Variants in GRIN2A observed in about 807,000 individuals in gnomAD.
GRIN2A encodes glutamate ionotropic receptor NMDA type subunit 2A, also known as glutamate receptor ionotropic, NMDA 2A.
In GRIN2A, 22 loss-of-function variants were observed where a neutral mutation model predicts 113.4. The observed-to-expected ratio is 0.19, with a 90% CI of 0.14 to 0.28. GRIN2A has a LOEUF of 0.28. Among genes scored for constraint, GRIN2A ranks in the 10% least tolerant of loss-of-function variants. The pLI is 1.00. For synonymous variants in GRIN2A, 827 were observed against 738.4 expected, an observed-to-expected ratio of 1.12 and a Z score of -1.94; for missense variants, 1,502 against 1,887.0, an observed-to-expected ratio of 0.80 and a Z score of 3.78.
chr16:10,052,672 C>A (rs1044359062), intron 2 of GRIN2A, among the ~76,000 whole-genome samples: 1 of 152,148 alleles, frequency 6.6e-6, no homozygotes, highest in African/African-American at 2.4e-5. Flanking sequence ...TCTGTTGAGG[C>A]AGGAAGCTTC....
At chr16:10,115,461 A>G (rs138414201) in intron 2 of GRIN2A, among the ~76,000 whole-genome samples, 6 of 152,324 alleles carry the variant, frequency 3.9e-5, no homozygotes, top group South Asian at 4.1e-4. Context: ...CCAGAAACCT[A>G]TCTGGAGGAG....
intron 3 of GRIN2A, among the ~76,000 whole-genome samples, chr16:9,896,302 G>C (rs2043805934): frequency 6.6e-6 from 1 of 152,182 alleles, no homozygotes; most frequent in Non-Finnish European, 1.5e-5. Flanking sequence ...ACCTGCCTTG[G>C]CCTCCCAAAG....
At chr16:10,014,390 A>G (rs984096534) in intron 2 of GRIN2A, among the ~76,000 whole-genome samples, 9 of 152,162 alleles carry the variant, frequency 5.9e-5, no homozygotes, top group African/African-American at 2.2e-4. Context: ...ATTGGCCACT[A>G]TATGTTCTTT....
rs1451290921 is a variant in GRIN2A, at chr16:9,829,579, C to G, written c.1851G>C (p.Val617=). The G allele has an allele frequency of 2.5e-6, 4 of 1,613,896 alleles. No homozygotes were observed. The highest frequency in any genetic ancestry group is 3.4e-6 in the Non-Finnish European group (4 of 1,179,948). The change falls in exon 9 of 13, where the codon GTG becomes GTC. Residue 617 remains valine, a synonymous_variant. Transcript: ENST00000330684. ...TGGTCCCTTTAGGATTCTGGACAGG[C>G]ACGGAGTTATTGAACACCAGGCCCC... ...LLWGLVFNNS[V]PVQNPKGTTS...
chr16:9,802,955 G>C (rs1372129681), intron 10 of GRIN2A, among the ~76,000 whole-genome samples: 1 of 151,968 alleles, frequency 6.6e-6, no homozygotes, highest in Non-Finnish European at 1.5e-5. Context: ...TTTTTGCTCT[G>C]ACCCAAAAAG....
chr16:10,129,868 C>A (rs374534633), intron 2 of GRIN2A, among the ~76,000 whole-genome samples: 5 of 152,136 alleles, frequency 3.3e-5, no homozygotes, highest in African/African-American at 9.7e-5. Flanking sequence ...GAAGAAGATA[C>A]CAGTTTAGAA....
chr16:10,160,799 G>C (rs1025322206), intron 2 of GRIN2A, among the ~76,000 whole-genome samples: 2 of 152,140 alleles, frequency 1.3e-5, no homozygotes, highest in African/African-American at 4.8e-5. Flanking sequence ...TCCTCCTTCT[G>C]TATTCTCCAG....
At chr16:9,999,804 G>A (rs143521438) in intron 2 of GRIN2A, among the ~76,000 whole-genome samples, 4 of 152,074 alleles carry the variant, frequency 2.6e-5, no homozygotes, top group Non-Finnish European at 5.9e-5. Flanking sequence ...TCTCACACAG[G>A]GGGTATTAGT....
chr16:9,946,035 C>G (rs16966726), intron 2 of GRIN2A, among the ~76,000 whole-genome samples: 1,863 of 152,216 alleles, frequency 0.012, 23 homozygotes, highest in African/African-American at 0.043. Context: ...CTCGTTGCAG[C>G]TGATTTAGGA....
intron 2 of GRIN2A, among the ~76,000 whole-genome samples, chr16:10,169,649 G>A (rs1207875271): frequency 6.6e-6 from 1 of 152,170 alleles, no homozygotes; most frequent in Non-Finnish European, 1.5e-5. Flanking sequence ...GAATGGGAAG[G>A]ATCTGAGTCC....
chr16:9,847,680 A>G (rs970967868), intron 5 of GRIN2A, among the ~76,000 whole-genome samples: 5 of 147,880 alleles, frequency 3.4e-5, no homozygotes, highest in African/African-American at 1.3e-4. Context: ...ATAAAAATAT[A>G]TGTTTTATAT....
chr16:10,030,265 A>G (rs1417209510), intron 2 of GRIN2A, among the ~76,000 whole-genome samples: 8 of 152,122 alleles, frequency 5.3e-5, no homozygotes, highest in Non-Finnish European at 1.0e-4. Context: ...TCATCATTCA[A>G]TATTACTGTC....
chr16:10,117,513 A>T (rs564441713), intron 2 of GRIN2A, among the ~76,000 whole-genome samples: 98 of 40,968 alleles, frequency 2.4e-3, no homozygotes, highest in African/African-American at 4.8e-3. Flanking sequence ...AATCATCATA[A>T]TAAAAAGTTA....
At chr16:9,815,790 A>G (rs1194982352) in intron 10 of GRIN2A, among the ~76,000 whole-genome samples, 4 of 152,232 alleles carry the variant, frequency 2.6e-5, no homozygotes, top group Admixed American at 2.6e-4. Context: ...AAAAAAAACC[A>G]AAGTCTCAAA....
intron 4 of GRIN2A, among the ~76,000 whole-genome samples, chr16:9,867,104 T>C (rs2043173082): frequency 1.3e-5 from 2 of 152,062 alleles, no homozygotes; most frequent in South Asian, 4.2e-4. Context: ...TACCCACAAT[T>C]TTCCTGCCCC....
intron 2 of GRIN2A, among the ~76,000 whole-genome samples, chr16:10,074,408 G>A (rs1347486968): frequency 6.6e-6 from 1 of 152,180 alleles, no homozygotes; most frequent in Admixed American, 6.5e-5. Flanking sequence ...GAAAACAGAT[G>A]TTCAAACAAT....
chr16:9,788,607 T>G (rs9746769), intron 11 of GRIN2A, among the ~76,000 whole-genome samples: 1 of 151,932 alleles, frequency 6.6e-6, no homozygotes, highest in South Asian at 2.1e-4. Context: ...TCTCCTTTTT[T>G]CCCCCTCTAA....
At chr16:9,903,857 A>G (rs1465688216) in intron 3 of GRIN2A, among the ~76,000 whole-genome samples, 2 of 152,210 alleles carry the variant, frequency 1.3e-5, no homozygotes, top group African/African-American at 4.8e-5. Context: ...TCAAAATAAA[A>G]CACAAATGTT....
At chr16:9,827,831 G>C (rs888881803) in intron 9 of GRIN2A, among the ~76,000 whole-genome samples, 5 of 152,142 alleles carry the variant, frequency 3.3e-5, no homozygotes, top group African/African-American at 9.7e-5. Context: ...CACCTCCAAA[G>C]TGCAAAATAA....
Sources: allele counts gnomAD v4.1 joint callset (sites outside exome capture counted in the v4.1 genomes callset), GRCh38; gene constraint gnomAD v4.1.1; transcripts MANE v1.5; gene names NCBI Gene and HGNC (gene_info 2026-07-23, HGNC 2026-07-21).